Variants in CCSER2 observed in about 807,000 individuals in gnomAD.
The protein encoded by CCSER2 is coiled-coil serine rich protein 2, also known as serine-rich coiled-coil domain-containing protein 2.
CCSER2 carries 46 observed loss-of-function variants against 92.3 expected under a neutral mutation model. That is an observed-to-expected ratio of 0.50 (90% CI 0.39 to 0.64). CCSER2 has a LOEUF of 0.64. Ranked by LOEUF, CCSER2 falls within the 30% of genes least tolerant of loss-of-function variation. The pLI is 0.00. For missense variants in CCSER2, 1,244 were observed against 1,238.9 expected, an observed-to-expected ratio of 1.00 and a Z score of -0.06; for synonymous variants, 433 against 431.4, an observed-to-expected ratio of 1.00 and a Z score of -0.04.
At chr10:84,499,819 C>CT (rs1319498700) in intron 9 of CCSER2, 7 of 1,570,462 alleles carry the variant, frequency 4.5e-6, no homozygotes, top group Admixed American at 3.4e-5. Context: ...CTTGGTTTCT[C>CT]TATTTTTTGG....
intron 1 of CCSER2, among the ~76,000 whole-genome samples, chr10:84,345,343 C>T (rs1844418088): frequency 6.6e-6 from 1 of 152,138 alleles, no homozygotes; most frequent in African/African-American, 2.4e-5. Context: ...GAGTAAGAAA[C>T]ATTGTATTTT....
chr10:84,406,237 A>G (rs1842369346), intron 3 of CCSER2, among the ~76,000 whole-genome samples: 1 of 152,182 alleles, frequency 6.6e-6, no homozygotes, highest in Non-Finnish European at 1.5e-5. Flanking sequence ...TGGAGAACAG[A>G]TCAGTGTTTG....
intron 9 of CCSER2, among the ~76,000 whole-genome samples, chr10:84,488,166 A>C (rs548291242): frequency 6.6e-6 from 1 of 152,206 alleles, no homozygotes; most frequent in African/African-American, 2.4e-5. Context: ...GGATTTTTGC[A>C]TCGATGTTCA....
intron 3 of CCSER2, among the ~76,000 whole-genome samples, chr10:84,382,256 T>G (rs796614012): frequency 3.9e-5 from 6 of 152,336 alleles, no homozygotes; most frequent in African/African-American, 1.4e-4. Flanking sequence ...CATCTTTTTT[T>G]GTTCCTCATC....
chr10:84,514,697 A>G lies in CCSER2; in HGVS notation c.*430A>G, dbSNP rs779553254. On this transcript the variant is annotated 3_prime_UTR_variant, in exon 10 of 10. Transcript: ENST00000372088. ...TATGGCTACTATTTTAACTAAAGAT[A>G]TGGTGATAATGGAAGATGGTAGTCT... 98 of 164,748 alleles carry G rather than the reference A, an allele frequency of 5.9e-4. 1 individual carries two copies. Among genetic ancestry groups the G allele is most frequent in the Middle Eastern group, 2.9e-3 (1 of 342 alleles). The allele number at this position is 164,748 out of a possible 1,614,324, so 10.2% of individuals were successfully genotyped here.
At chr10:84,441,206 T>C (rs760936730) in intron 6 of CCSER2, among the ~76,000 whole-genome samples, 42 of 152,224 alleles carry the variant, frequency 2.8e-4, no homozygotes, top group Non-Finnish European at 5.6e-4. Context: ...ACCTTTTTAT[T>C]TTTTGTTATA....
intron 8 of CCSER2, among the ~76,000 whole-genome samples, chr10:84,470,785 G>T (rs1442254289): frequency 2.0e-5 from 3 of 152,038 alleles, no homozygotes; most frequent in African/African-American, 7.2e-5. Context: ...CTTGTGAGTT[G>T]AGAACAGGGT....
chr10:84,361,873 C>G (rs1845520735), intron 1 of CCSER2, among the ~76,000 whole-genome samples: 1 of 152,132 alleles, frequency 6.6e-6, no homozygotes, highest in African/African-American at 2.4e-5. Flanking sequence ...CTCCCGACCT[C>G]AGGTGATCCG....
At chr10:84,333,498 A>G (rs527596650) in intron 1 of CCSER2, among the ~76,000 whole-genome samples, 1 of 152,312 alleles carries the variant, frequency 6.6e-6, no homozygotes, top group South Asian at 2.1e-4. Flanking sequence ...AAAAGATGCT[A>G]TTTCAAAAGT....
chr10:84,494,401 G>A (rs1053211498), intron 9 of CCSER2, among the ~76,000 whole-genome samples: 4 of 152,046 alleles, frequency 2.6e-5, no homozygotes, highest in East Asian at 3.9e-4. Flanking sequence ...ATGTTTTATC[G>A]GCAGGGTCTT....
rs72841165 is a variant in CCSER2, at chr10:84,345,499, T to A, written c.-40+16691T>A. ...ACAGTTTTGTTTTTGGAGTACTTTA[T>A]GTACATTCTTGTTGAGTACTCTTCT... is the stretch of plus-strand genomic sequence containing the variant. On this transcript the variant is annotated intron_variant, in intron 1 of 9. Transcript: ENST00000372088. Among the ~76,000 whole-genome samples, 1,368 of 152,360 alleles carry A rather than the reference T, an allele frequency of 9.0e-3. 5 individuals carry two copies. Among genetic ancestry groups the A allele is most frequent in the Non-Finnish European group, 0.014 (969 of 68,024 alleles).
At chr10:84,329,046 C>G (rs1047802513) in intron 1 of CCSER2, among the ~76,000 whole-genome samples, 4 of 151,694 alleles carry the variant, frequency 2.6e-5, no homozygotes, top group Admixed American at 1.3e-4. Flanking sequence ...GCTGTGACAG[C>G]GCGGGGCCTC....
intron 3 of CCSER2, among the ~76,000 whole-genome samples, chr10:84,396,188 T>C (rs1003602654): frequency 3.6e-5 from 2 of 55,542 alleles, no homozygotes; most frequent in African/African-American, 4.5e-4. Context: ...TTCAACACTG[T>C]GTGTGTGTGT....
rs982056577 is a variant in CCSER2, at chr10:84,372,013, T to G, written c.961T>G (p.Ser321Ala). ...STLGYRMVHP[S>A]LLKSSRSPFS... Reference sequence around the variant, plus strand: ...TTTAGGTTATAGAATGGTTCATCCCTCTCTACTGAAATCTAGCCGATCTCC... The same window carrying G: ...TTTAGGTTATAGAATGGTTCATCCCGCTCTACTGAAATCTAGCCGATCTCC... The change falls in exon 2 of 10, where the codon TCT becomes GCT. Residue 321 changes from serine to alanine, a missense_variant. Ser to Ala is a moderately conservative substitution (Grantham distance 99). Coordinates refer to ENST00000372088, the MANE Select transcript of CCSER2 (RefSeq NM_001284240.2). 2 of 1,613,642 alleles carry G rather than the reference T, an allele frequency of 1.2e-6. No homozygotes were observed. Among genetic ancestry groups the G allele is most frequent in the African/African-American group, 1.3e-5 (1 of 74,898 alleles).
At chr10:84,489,299 C>T (rs1404896193) in intron 9 of CCSER2, among the ~76,000 whole-genome samples, 2 of 152,050 alleles carry the variant, frequency 1.3e-5, no homozygotes, top group Non-Finnish European at 2.9e-5. Context: ...TCGTTGTTAA[C>T]TTTCTGTCTC....
At chr10:84,512,405 A>AGAGGGGGAGGAGAGAGAGAG (rs1554872157) in intron 9 of CCSER2, among the ~76,000 whole-genome samples, 1 of 140,624 alleles carries the variant, frequency 7.1e-6, no homozygotes, top group Admixed American at 7.5e-5. Flanking sequence ...TGAGAGAGAG[A>AGAGGGGGAGGAGAGAGAGAG]GAGAGAGAGA....
Position 84,516,645 on chromosome 10 carries a change from T to G in CCSER2, c.*2378T>G, listed in dbSNP as rs1373177995. On this transcript the variant is annotated 3_prime_UTR_variant, in exon 10 of 10. Transcript: ENST00000372088. ...TAAATTTATTTTTAATTCCCTAGTC[T>G]GAGGGAAATGTCTTTATTGTCCATT... The G allele has an allele frequency of 6.6e-6, 1 of 152,200 alleles. No individual in the cohort carries two copies. The highest frequency in any genetic ancestry group is 6.5e-5 in the Admixed American group (1 of 15,280). 9.4% of individuals were successfully genotyped at this position (152,200 alleles called of 1,614,324 possible). A position where few individuals can be genotyped will look rare whatever the true frequency, so the allele number is the denominator to read the frequency against.
In CCSER2 at chr10:84,512,555, G is replaced by A. The variant is rs189593507; in HGVS notation, c.2326-894G>A. ...TTTTACTGGATACCCCCAAATCATG[G>A]AAATGGCATAGTTCCTCTGATTGTT... is the stretch of plus-strand genomic sequence containing the variant. On this transcript the variant is annotated intron_variant, in intron 9 of 9. Coordinates refer to ENST00000372088, the MANE Select transcript of CCSER2 (RefSeq NM_001284240.2). Among the ~76,000 whole-genome samples the A allele has an allele frequency of 2.9e-4, 44 of 152,296 alleles. 1 individual carries two copies. Among genetic ancestry groups the A allele is most frequent in the Admixed American group, 2.6e-3 (40 of 15,290 alleles).
intron 1 of CCSER2, among the ~76,000 whole-genome samples, chr10:84,354,050 T>C (rs918460383): frequency 1.3e-5 from 2 of 151,274 alleles, no homozygotes; most frequent in Non-Finnish European, 2.9e-5. Flanking sequence ...AATACAAAAA[T>C]TAGCCAGGTG....
Sources: allele counts gnomAD v4.1 joint callset (sites outside exome capture counted in the v4.1 genomes callset), GRCh38; gene constraint gnomAD v4.1.1; transcripts MANE v1.5; gene names NCBI Gene and HGNC (gene_info 2026-07-23, HGNC 2026-07-21).